NRP2: variants seen among roughly 807,000 people sequenced by gnomAD.
NRP2 encodes neuropilin 2, also known as neuropilin-2.
A neutral mutation model predicts 110.4 loss-of-function variants in NRP2; 52 were observed. The observed-to-expected ratio is 0.47, with a 90% CI of 0.38 to 0.59. NRP2 has a LOEUF of 0.59. Among genes scored for constraint, NRP2 ranks in the 20% least tolerant of loss-of-function variants. The pLI is 0.00. For synonymous variants in NRP2, 508 were observed against 468.9 expected (o/e 1.08, Z -1.08); for missense variants, 1,049 against 1,203.0 (o/e 0.87, Z 1.89).
intron 15 of NRP2, 192 bp downstream of exon 15, chr2:205,766,995 A>G (rs2057933256): frequency 3.2e-6 from 2 of 628,660 alleles, no homozygotes; most frequent in Admixed American, 2.9e-5. Context: ...TGAGAGCCTC[A>G]CTGTCTCTTG....
intron 13 of NRP2, chr2:205,764,424 C>T (rs1297313678): frequency 5.7e-6 from 1 of 175,338 alleles, no homozygotes; most frequent in Non-Finnish European, 1.2e-5. Context: ...TGCTCTCTCT[C>T]TCTCACCAGC....
At chr2:205,685,474 C>G (rs1405602877) in intron 1 of NRP2, among the ~76,000 whole-genome samples, 2 of 152,242 alleles carry the variant, frequency 1.3e-5, no homozygotes, top group Non-Finnish European at 2.9e-5. Context: ...CAGCCGCCGC[C>G]GCCGGCGACG....
intron 12 of NRP2, among the ~76,000 whole-genome samples, chr2:205,762,870 AAAGGCCATTCTCCAAACATTTGGATTGGT>A (rs1214010033): frequency 6.6e-6 from 1 of 152,186 alleles, no homozygotes; most frequent in Non-Finnish European, 1.5e-5. Context: ...AATCAGCCAA[AAAGGCCATTCTCCAAACATTTGGATTGGT>A]AAACCCTTAA....
chr2:205,727,630 A>T (rs915808438), intron 6 of NRP2, among the ~76,000 whole-genome samples: 2 of 152,236 alleles, frequency 1.3e-5, no homozygotes, highest in Non-Finnish European at 2.9e-5. Context: ...GATTGAGAAA[A>T]ATCGAGTATT....
intron 12 of NRP2, chr2:205,762,372 C>T (rs2057837893): frequency 6.6e-6 from 1 of 152,316 alleles, no homozygotes; most frequent in Non-Finnish European, 1.5e-5. Flanking sequence ...AGGTCCAGCA[C>T]AGGCTCAGCT....
chr2:205,751,990 T>C (rs2057654034), intron 11 of NRP2, among the ~76,000 whole-genome samples: 1 of 152,160 alleles, frequency 6.6e-6, no homozygotes, highest in Non-Finnish European at 1.5e-5. Context: ...TGGAGCTGGG[T>C]GGAACCTCAG....
In NRP2 at chr2:205,689,935, G is replaced by A. The variant is rs370882691; in HGVS notation, c.73+6572G>A. Among the ~76,000 whole-genome samples the A allele has an allele frequency of 3.4e-4, 52 of 152,242 alleles. No homozygotes were observed. The East Asian group carries it at 9.5e-3, about 28-fold the overall frequency. ...GGTCTTAATAATCCCATTTCCCTCT[G>A]GGTCTTCATAAAGGAGTCATTATCT... is the stretch of plus-strand genomic sequence containing the variant. On this transcript the variant is annotated intron_variant, in intron 1 of 16. Coordinates refer to ENST00000357785, the MANE Select transcript of NRP2 (RefSeq NM_003872.3).
intron 15 of NRP2, chr2:205,767,039 C>A: frequency 1.7e-6 from 1 of 573,172 alleles, no homozygotes; most frequent in Non-Finnish European, 3.1e-6. Context: ...TTAATAGAGA[C>A]AAATAGGTTA....
chr2:205,735,705 T>A (rs1367545552), intron 7 of NRP2, among the ~76,000 whole-genome samples: 2 of 151,710 alleles, frequency 1.3e-5, no homozygotes, highest in Non-Finnish European at 2.9e-5. Flanking sequence ...AATCAGAAAA[T>A]CCAGGAAATG....
At chr2:205,751,053 T>C (rs2057635600) in intron 11 of NRP2, among the ~76,000 whole-genome samples, 1 of 152,198 alleles carries the variant, frequency 6.6e-6, no homozygotes, top group East Asian at 1.9e-4. Context: ...AATGAACTTG[T>C]TTTTGTTTTA....
intron 13 of NRP2, chr2:205,764,386 C>T (rs113907788): frequency 1.0e-5 from 2 of 192,860 alleles, no homozygotes; most frequent in South Asian, 9.4e-5. Flanking sequence ...GCTCAGTGGC[C>T]GGCAGACATG....
intron 15 of NRP2, chr2:205,767,381 T>C (rs773938952): frequency 3.9e-6 from 2 of 513,800 alleles, no homozygotes; most frequent in Non-Finnish European, 7.8e-6. Context: ...GACACAGAAG[T>C]GGTGGCCTCA....
At chr2:205,784,922 G>A (rs1481449816) in intron 15 of NRP2, among the ~76,000 whole-genome samples, 3 of 152,184 alleles carry the variant, frequency 2.0e-5, no homozygotes, top group African/African-American at 4.8e-5. Context: ...CCTGAAGCCA[G>A]GTCTCTTAGT....
intron 15 of NRP2, chr2:205,767,405 C>T (rs776453416): frequency 7.7e-6 from 4 of 516,714 alleles, no homozygotes; most frequent in Non-Finnish European, 1.5e-5. Context: ...GAAAGAGTTG[C>T]CACATTTAGG....
chr2:205,743,497 G>A lies in NRP2; in HGVS notation c.1586G>A (p.Ser529Asn). 1 of 1,614,216 alleles carries A rather than the reference G, an allele frequency of 6.2e-7. No homozygotes were observed. The highest frequency in any genetic ancestry group is 8.5e-7 in the Non-Finnish European group (1 of 1,180,044). Residue 529 changes from serine to asparagine, a missense_variant, in exon 9 of 17, where the codon AGC (serine) becomes AAC (asparagine). By Grantham distance (46) the Ser-to-Asn change is conservative. Transcript: ENST00000357785. ...AFVRKFKVSYSLNGKDWEYIQ... is the reference protein window; with the variant it reads ...AFVRKFKVSYNLNGKDWEYIQ... ...GTGCGCAAGTTCAAAGTCTCCTACA[G>A]CCTAAACGGCAAGGACTGGGAATAC...
intron 3 of NRP2, among the ~76,000 whole-genome samples, chr2:205,720,267 T>C (rs907255539): frequency 6.9e-4 from 29 of 42,130 alleles, no homozygotes; most frequent in African/African-American, 4.2e-3. Context: ...TCTTTCTTTT[T>C]TTTTTTTTTT....
intron 6 of NRP2, among the ~76,000 whole-genome samples, chr2:205,727,322 C>T (rs1428287765): frequency 6.6e-6 from 1 of 152,222 alleles, no homozygotes; most frequent in East Asian, 1.9e-4. Flanking sequence ...CCATCCTCCT[C>T]ATAGAGCAAA....
intron 13 of NRP2, 128 bp downstream of exon 13, chr2:205,764,064 T>TGA: frequency 8.7e-7 from 1 of 1,154,786 alleles, no homozygotes; most frequent in Non-Finnish European, 1.2e-6. Context: ...CCATGGCAAC[T>TGA]GAATGACACT....
chr2:205,767,140 T>C (rs866854705), intron 15 of NRP2: 9 of 368,670 alleles, frequency 2.4e-5, no homozygotes, highest in Non-Finnish European at 3.5e-5. Context: ...GTGGGAAGAC[T>C]GAACCAAAAA....
Sources: gnomAD v4.1 joint callset for allele counts (sites outside exome capture counted in the v4.1 genomes callset) on GRCh38, gnomAD v4.1.1 for gene constraint, MANE v1.5 for transcripts, NCBI Gene and HGNC (gene_info 2026-07-23, HGNC 2026-07-21) for gene names.